Variants in NR6A1 observed in about 807,000 individuals in gnomAD.
NR6A1 encodes nuclear receptor subfamily 6 group A member 1.
A neutral mutation model predicts 59.1 loss-of-function variants in NR6A1; 7 were observed. That is an observed-to-expected ratio of 0.12 (90% CI 0.07 to 0.22). The LOEUF (loss-of-function observed/expected upper bound fraction) is 0.22, where lower values mean the gene tolerates loss of function less well. NR6A1 is among the 10% of genes least tolerant of loss of function. The pLI, the probability that NR6A1 is intolerant of heterozygous loss-of-function variation, is 1.00. For synonymous variants in NR6A1, 243 were observed against 236.1 expected (o/e 1.03, Z -0.27); for missense variants, 468 against 611.6 (o/e 0.77, Z 2.48).
intron 2 of NR6A1, among the ~76,000 whole-genome samples, chr9:124,608,235 C>T (rs1476144274): frequency 6.6e-6 from 1 of 152,082 alleles, no homozygotes; most frequent in Non-Finnish European, 1.5e-5. Context: ...CTGCATGTAT[C>T]AACCCATCAC....
chr9:124,752,502 CA>C (rs1840532933), intron 1 of NR6A1, among the ~76,000 whole-genome samples: 1 of 151,986 alleles, frequency 6.6e-6, no homozygotes, highest in Admixed American at 6.6e-5. Context: ...ATATAAATTA[CA>C]AAACTACAAC....
chr9:124,574,332 G>C (rs1834530158), intron 2 of NR6A1, among the ~76,000 whole-genome samples: 1 of 152,126 alleles, frequency 6.6e-6, no homozygotes, highest in Non-Finnish European at 1.5e-5. Flanking sequence ...TCTGATCAGA[G>C]GCAGGAGGTA....
intron 2 of NR6A1, among the ~76,000 whole-genome samples, chr9:124,581,485 G>A (rs745443519): frequency 2.6e-5 from 4 of 151,986 alleles, no homozygotes; most frequent in East Asian, 1.9e-4. Context: ...CCAGCTACTC[G>A]GGAGGCTGAC....
chr9:124,566,167 C>A (rs1436466335), intron 2 of NR6A1, among the ~76,000 whole-genome samples: 2 of 152,042 alleles, frequency 1.3e-5, no homozygotes, highest in Non-Finnish European at 2.9e-5. Context: ...AAACAATGGG[C>A]GAAAGAAGTG....
chr9:124,631,277 C>T (rs1836434245), intron 2 of NR6A1, among the ~76,000 whole-genome samples: 2 of 151,954 alleles, frequency 1.3e-5, no homozygotes, highest in African/African-American at 4.8e-5. Flanking sequence ...TGCATTTTAG[C>T]GTTTGTTTCT....
intron 2 of NR6A1, among the ~76,000 whole-genome samples, chr9:124,660,592 G>A (rs905371897): frequency 2.0e-5 from 3 of 147,594 alleles, no homozygotes; most frequent in African/African-American, 5.1e-5. Context: ...GAAAGATGGG[G>A]GATTCAGAGA....
intron 2 of NR6A1, among the ~76,000 whole-genome samples, chr9:124,725,120 G>A (rs12346624): frequency 0.024 from 3,661 of 152,226 alleles, 209 homozygotes; most frequent in Admixed American, 0.14. Context: ...GAAAAAACTC[G>A]GGGAGCAGGG....
At chr9:124,675,229 C>T (rs1390213310) in intron 2 of NR6A1, among the ~76,000 whole-genome samples, 2 of 152,212 alleles carry the variant, frequency 1.3e-5, no homozygotes, top group African/African-American at 4.8e-5. Flanking sequence ...TGTGGACTGG[C>T]TTATGTTGCT....
rs184991921 is a variant in NR6A1, at chr9:124,598,687, G to C, written c.143-44117C>G. The C allele has an allele frequency of 1.8e-5, 9 of 490,600 alleles. No homozygotes were observed. In the Admixed American group the frequency reaches 3.6e-4, roughly 20 times the overall value. 30.4% of individuals were successfully genotyped at this position (490,600 alleles called of 1,614,324 possible). A position where few individuals can be genotyped will look rare whatever the true frequency, so the allele number is the denominator to read the frequency against. ...AAAAAAAACAAGGAAGGGAAAGAGA[G>C]GAAAAAAATAAGACGATTTATTGTT... On this transcript the variant is annotated intron_variant, in intron 2 of 9. Coordinates refer to ENST00000487099, the MANE Select transcript of NR6A1 (RefSeq NM_033334.4).
intron 2 of NR6A1, among the ~76,000 whole-genome samples, chr9:124,638,630 T>C (rs952708919): frequency 1.3e-5 from 2 of 152,224 alleles, no homozygotes; most frequent in South Asian, 4.1e-4. Context: ...TTTGGTCATA[T>C]TACTTAAGCT....
chr9:124,702,551 C>T (rs1356594003), intron 2 of NR6A1, among the ~76,000 whole-genome samples: 1 of 152,058 alleles, frequency 6.6e-6, no homozygotes, highest in Admixed American at 6.6e-5. Context: ...GAGGTGGGGC[C>T]TAATGGGAGG....
At chr9:124,672,986 T>C (rs1260253480) in intron 2 of NR6A1, among the ~76,000 whole-genome samples, 1 of 152,016 alleles carries the variant, frequency 6.6e-6, no homozygotes, top group Non-Finnish European at 1.5e-5. Context: ...AATGATTAGG[T>C]TGTGTTTGCC....
chr9:124,528,324 C>T (rs2131326167), intron 7 of NR6A1, among the ~76,000 whole-genome samples: 1 of 152,212 alleles, frequency 6.6e-6, no homozygotes, highest in Middle Eastern at 3.4e-3. Flanking sequence ...TCCATGGGTT[C>T]TATATCTCTG....
At chr9:124,574,006 G>A (rs1193440446) in intron 2 of NR6A1, among the ~76,000 whole-genome samples, 3 of 152,176 alleles carry the variant, frequency 2.0e-5, no homozygotes, top group South Asian at 2.1e-4. Flanking sequence ...CTACTTTTGT[G>A]CTAAAAACAT....
chr9:124,591,867 C>T (rs1347344166), intron 2 of NR6A1, among the ~76,000 whole-genome samples: 1 of 152,074 alleles, frequency 6.6e-6, no homozygotes, highest in African/African-American at 2.4e-5. Context: ...GCGTTTTCCC[C>T]AAGTTTTTAG....
intron 2 of NR6A1, among the ~76,000 whole-genome samples, chr9:124,555,859 A>G (rs1833908507): frequency 6.6e-6 from 1 of 152,336 alleles, no homozygotes; most frequent in Middle Eastern, 3.4e-3. Flanking sequence ...GATAACTGTC[A>G]GCTATTATTT....
At chr9:124,585,604 GC>G (rs1834906921) in intron 2 of NR6A1, among the ~76,000 whole-genome samples, 1 of 146,764 alleles carries the variant, frequency 6.8e-6, no homozygotes, top group Non-Finnish European at 1.5e-5. Flanking sequence ...TGTAGAAGCC[GC>G]AGCAAGTTAT....
Position 124,538,251 on chromosome 9 carries a change from T to G in NR6A1, c.665A>C (p.His222Pro). The G allele has an allele frequency of 6.2e-7, 1 of 1,614,200 alleles. No homozygotes were observed. Among genetic ancestry groups the G allele is most frequent in the Non-Finnish European group, 8.5e-7 (1 of 1,180,040 alleles). Reference protein sequence around the residue: ...EQYMGMSVPPHYQYIPHLFSY... With the variant: ...EQYMGMSVPPPYQYIPHLFSY... ...AAAAAGGTGCGGTATATATTGGTAA[T>G]GTGGAGGCACAGACATTCCCATGTA... is the stretch of plus-strand genomic sequence containing the variant. The change falls in exon 6 of 10, where the codon CAT becomes CCT. Residue 222 changes from histidine to proline, a missense_variant. Around this residue, in one of 4 missense-constraint regions of NR6A1, gnomAD observed 151 missense variants for 142.8 expected, o/e 1.06. Coordinates refer to ENST00000487099, the MANE Select transcript of NR6A1 (RefSeq NM_033334.4).
intron 2 of NR6A1, among the ~76,000 whole-genome samples, chr9:124,720,157 C>A (rs1839525246): frequency 6.6e-6 from 1 of 152,014 alleles, no homozygotes; most frequent in Admixed American, 6.5e-5. Flanking sequence ...AAGCAATTCT[C>A]CTGCCTCCAT....
Sources: allele counts gnomAD v4.1 joint callset (sites outside exome capture counted in the v4.1 genomes callset), GRCh38; gene constraint gnomAD v4.1.1; regional missense constraint gnomAD v4.1.1; transcripts MANE v1.5; gene names NCBI Gene and HGNC (gene_info 2026-07-23, HGNC 2026-07-21).